LHFPL4: variants seen among roughly 807,000 people sequenced by gnomAD.
The protein encoded by LHFPL4 is LHFPL tetraspan subfamily member 4.
In LHFPL4, 6 loss-of-function variants were observed where a neutral mutation model predicts 20.0. That is an observed-to-expected ratio of 0.30 (90% CI 0.16 to 0.59). LHFPL4 has a LOEUF of 0.59. Among genes scored for constraint, LHFPL4 ranks in the 20% least tolerant of loss-of-function variants. The probability of loss-of-function intolerance (pLI) is 0.88; values close to 1 mark genes in which losing one functional copy is unlikely to be tolerated. For synonymous variants in LHFPL4, 129 were observed against 143.8 expected, an observed-to-expected ratio of 0.90 and a Z score of 0.74; for missense variants, 215 against 331.2, an observed-to-expected ratio of 0.65 and a Z score of 2.72.
chr3:9,508,922 G>A (rs971836675), intron 2 of LHFPL4, among the ~76,000 whole-genome samples: 1 of 152,168 alleles, frequency 6.6e-6, no homozygotes, highest in Non-Finnish European at 1.5e-5. Context: ...CAAGAAGGGG[G>A]CAAACCCACA....
At chr3:9,512,441 A>G (rs1209735842) in intron 2 of LHFPL4, among the ~76,000 whole-genome samples, 1 of 152,180 alleles carries the variant, frequency 6.6e-6, no homozygotes, top group African/African-American at 2.4e-5. Flanking sequence ...TGAACAAAGG[A>G]CTTTTTCTAG....
chr3:9,522,301 T>A (rs2046342863), intron 2 of LHFPL4, among the ~76,000 whole-genome samples: 1 of 151,966 alleles, frequency 6.6e-6, no homozygotes, highest in South Asian at 2.1e-4. Context: ...GCCAAGTACC[T>A]TATAATAACA....
At chr3:9,509,029 C>G (rs1045218945) in intron 2 of LHFPL4, among the ~76,000 whole-genome samples, 1 of 152,236 alleles carries the variant, frequency 6.6e-6, no homozygotes, top group African/African-American at 2.4e-5. Context: ...ATCCCCGTCT[C>G]CGTGGAAACC....
At chr3:9,548,413 C>T (rs1348311085) in intron 2 of LHFPL4, among the ~76,000 whole-genome samples, 2 of 152,234 alleles carry the variant, frequency 1.3e-5, no homozygotes, top group African/African-American at 2.4e-5. Flanking sequence ...CTCCTCTCCT[C>T]ATGCTGCTCC....
intron 2 of LHFPL4, among the ~76,000 whole-genome samples, chr3:9,507,694 C>T (rs1198645803): frequency 6.6e-6 from 1 of 152,250 alleles, no homozygotes; most frequent in Non-Finnish European, 1.5e-5. Context: ...AGCAACCCAC[C>T]TGTCCCAATC....
At chr3:9,524,668 C>T (rs1314390827) in intron 2 of LHFPL4, among the ~76,000 whole-genome samples, 1 of 152,146 alleles carries the variant, frequency 6.6e-6, no homozygotes, top group East Asian at 1.9e-4. Flanking sequence ...ATTTATTTGT[C>T]AGAGCCATTG....
intron 2 of LHFPL4, among the ~76,000 whole-genome samples, chr3:9,532,917 G>C (rs1021476402): frequency 6.6e-6 from 1 of 152,192 alleles, no homozygotes; most frequent in Admixed American, 6.5e-5. Flanking sequence ...CAGCTATAGG[G>C]AAGAAACAGG....
At chr3:9,544,562 T>C (rs570982099) in intron 2 of LHFPL4, among the ~76,000 whole-genome samples, 1 of 152,130 alleles carries the variant, frequency 6.6e-6, no homozygotes, top group East Asian at 1.9e-4. Context: ...GAGGCAGAGG[T>C]TGCAGTGAGC....
At chr3:9,523,287 A>AGG (rs935935686) in intron 2 of LHFPL4, among the ~76,000 whole-genome samples, 20 of 150,924 alleles carry the variant, frequency 1.3e-4, no homozygotes, top group African/African-American at 4.6e-4. Context: ...AGGCTGAGGC[A>AGG]GGAGAATCGC....
intron 2 of LHFPL4, among the ~76,000 whole-genome samples, chr3:9,548,326 A>T (rs772010054): frequency 6.6e-6 from 1 of 152,240 alleles, no homozygotes; most frequent in Non-Finnish European, 1.5e-5. Context: ...GATAACAGTC[A>T]TAGCAGTATC....
chr3:9,509,024 C>T (rs946904473), intron 2 of LHFPL4, among the ~76,000 whole-genome samples: 2 of 152,354 alleles, frequency 1.3e-5, no homozygotes, highest in South Asian at 2.1e-4. Flanking sequence ...GGAGCATCCC[C>T]GTCTCCGTGG....
intron 2 of LHFPL4, among the ~76,000 whole-genome samples, chr3:9,515,720 CTT>C (rs373869436): frequency 6.3e-5 from 9 of 143,202 alleles, no homozygotes; most frequent in African/African-American, 7.7e-5. Flanking sequence ...TCAGATATGT[CTT>C]TTTTTTTTTT....
At chr3:9,505,925 G>A in intron 3 of LHFPL4, 42 bp downstream of exon 3, 1 of 1,557,386 alleles carries the variant, frequency 6.4e-7, no homozygotes, top group South Asian at 1.1e-5. Context: ...CCAGGACCAG[G>A]CCTGGCTCCC....
chr3:9,543,977 C>T (rs556759999), intron 2 of LHFPL4, among the ~76,000 whole-genome samples: 6 of 152,048 alleles, frequency 3.9e-5, no homozygotes, highest in Non-Finnish European at 8.8e-5. Flanking sequence ...CCCACCTCAG[C>T]CTCCCAAAGT....
chr3:9,543,877 G>A (rs534367287), intron 2 of LHFPL4, among the ~76,000 whole-genome samples: 16 of 151,886 alleles, frequency 1.1e-4, no homozygotes, highest in African/African-American at 3.4e-4. Context: ...AATTACAGGC[G>A]TGTGCCACCA....
chr3:9,549,283 T>A (rs941115906), intron 2 of LHFPL4, among the ~76,000 whole-genome samples: 2 of 152,094 alleles, frequency 1.3e-5, no homozygotes, highest in African/African-American at 4.8e-5. Context: ...ATTACAGGAC[T>A]AAGCATAGGG....
intron 2 of LHFPL4, among the ~76,000 whole-genome samples, chr3:9,511,176 C>T (rs2046257008): frequency 6.6e-6 from 1 of 151,898 alleles, no homozygotes. Context: ...ACAGTGAAAA[C>T]CCATCTCTAC....
In LHFPL4 at chr3:9,501,944, A is replaced by C; in HGVS notation, c.*267T>G. The C allele has an allele frequency of 2.1e-6, 1 of 481,074 alleles. No individual in the cohort carries two copies. 29.8% of individuals were successfully genotyped at this position (481,074 alleles called of 1,614,324 possible). On this transcript the variant is annotated 3_prime_UTR_variant, in exon 4 of 4. Coordinates refer to ENST00000287585, the MANE Select transcript of LHFPL4 (RefSeq NM_198560.3). The stretch of plus-strand genomic sequence containing the variant: ...AGGCCAGTCTAGAGAGGAGAGGAGA[A>C]GCCCAAGGGCCTACGCAGATGCAGG...
At chr3:9,537,760 G>A (rs1056973185) in intron 2 of LHFPL4, among the ~76,000 whole-genome samples, 2 of 151,840 alleles carry the variant, frequency 1.3e-5, no homozygotes, top group East Asian at 1.9e-4. Context: ...TCCTCCGCCC[G>A]CCCCTTAAGG....
Sources: allele counts gnomAD v4.1 joint callset (sites outside exome capture counted in the v4.1 genomes callset), GRCh38; gene constraint gnomAD v4.1.1; transcripts MANE v1.5; gene names NCBI Gene and HGNC (gene_info 2026-07-23, HGNC 2026-07-21).